AFF2: variants seen among roughly 807,000 people sequenced by gnomAD.
The protein encoded by AFF2 is ALF transcription elongation factor 2, also known as AF4/FMR2 family member 2.
A neutral mutation model predicts 76.9 loss-of-function variants in AFF2; 14 were observed. That is an observed-to-expected ratio of 0.18 (90% CI 0.12 to 0.28). The LOEUF is 0.28. Among genes scored for constraint, AFF2 ranks in the 10% least tolerant of loss-of-function variants. The probability of loss-of-function intolerance (pLI) is 1.00; values close to 1 mark genes in which losing one functional copy is unlikely to be tolerated. For synonymous variants in AFF2, 398 were observed against 366.7 expected (o/e 1.09, Z -0.98); for missense variants, 868 against 1,001.1 (o/e 0.87, Z 1.79).
chrX:148,796,215 T>G (rs1039755743), intron 3 of AFF2, among the ~76,000 whole-genome samples: 10 of 109,595 alleles, frequency 9.1e-5, no homozygotes, highest in African/African-American at 1.3e-4. Context: ...TGTTGTTGTT[T>G]TTGTGCTGAT....
chrX:148,600,025 T>C (rs978241448), intron 1 of AFF2, among the ~76,000 whole-genome samples: 5 of 112,103 alleles, frequency 4.5e-5, no homozygotes, highest in African/African-American at 1.6e-4. Flanking sequence ...TGATGACAGG[T>C]GAAAAAATTG....
At chrX:148,973,727 T>G (rs890973837) in intron 16 of AFF2, 120 bp downstream of exon 16, 46 of 738,548 alleles carry the variant, frequency 6.2e-5, no homozygotes, top group Non-Finnish European at 7.8e-5. Flanking sequence ...CTCTTAGAAG[T>G]CATCATAATT....
Position 148,956,058 on chromosome X carries a change from C to T in AFF2, c.2013C>T (p.Asn671=). The part of the protein sequence containing the change: ...VELHDPPRGR[N]KATAHKPAPR... ...TTCATGACCCACCAAGAGGCCGCAA[C>T]AAAGCCACTGCCCACAAACCAGCCC... The change falls in exon 11 of 21, where the codon AAC becomes AAT. Residue 671 remains asparagine, a synonymous_variant. Transcript: ENST00000370460. 8.3e-7 allele frequency: 1 copy of T among 1,211,240 alleles called. No individual in the cohort carries two copies. The highest frequency in any genetic ancestry group is 1.1e-6 in the Non-Finnish European group (1 of 895,384).
At chrX:148,532,856 A>ATGTG (rs782177489) in intron 1 of AFF2, among the ~76,000 whole-genome samples, 4 of 110,240 alleles carry the variant, frequency 3.6e-5, no homozygotes, top group African/African-American at 9.9e-5. Context: ...ATGTGTGTGT[A>ATGTG]TGTGTGTGTG....
intron 3 of AFF2, among the ~76,000 whole-genome samples, chrX:148,687,802 C>T (rs376787634): frequency 9.0e-5 from 10 of 110,679 alleles, no homozygotes; most frequent in African/African-American, 1.6e-4. Flanking sequence ...ATAATTTAGA[C>T]GTATGTATGG....
chrX:148,748,830 G>C (rs2055459198), intron 3 of AFF2, among the ~76,000 whole-genome samples: 1 of 112,177 alleles, frequency 8.9e-6, no homozygotes, highest in African/African-American at 3.2e-5. Flanking sequence ...AGCTGACTGA[G>C]ATGAGGTTGG....
chrX:148,732,590 A>G (rs1460108017), intron 3 of AFF2, among the ~76,000 whole-genome samples: 2 of 100,978 alleles, frequency 2.0e-5, no homozygotes, highest in East Asian at 6.2e-4. Context: ...AAAAAAAAAA[A>G]AGAAAGAAAT....
chrX:148,573,940 T>C (rs2053258129), intron 1 of AFF2, among the ~76,000 whole-genome samples: 1 of 111,115 alleles, frequency 9.0e-6, no homozygotes. Context: ...ATTAAAAATC[T>C]TGGAGCTGGA....
At chrX:148,586,765 A>C (rs6641438) in intron 1 of AFF2, among the ~76,000 whole-genome samples, 2,112 of 110,228 alleles carry the variant, frequency 0.019, 57 homozygotes, top group African/African-American at 0.064. Flanking sequence ...ATAGGATCAC[A>C]GACTGATAGA....
intron 1 of AFF2, among the ~76,000 whole-genome samples, chrX:148,621,801 A>G (rs1321793455): frequency 9.0e-6 from 1 of 111,621 alleles, no homozygotes; most frequent in African/African-American, 3.3e-5. Flanking sequence ...CTGGGAACAT[A>G]TTGGTGATGC....
At chrX:148,714,443 T>C (rs1298192064) in intron 3 of AFF2, among the ~76,000 whole-genome samples, 1 of 111,637 alleles carries the variant, frequency 9.0e-6, no homozygotes. Context: ...TTTTTTAAGA[T>C]AGAAAACTCT....
chrX:148,746,324 C>CT (rs60171806), intron 3 of AFF2, among the ~76,000 whole-genome samples: 6,031 of 111,731 alleles, frequency 0.054, 405 homozygotes, highest in African/African-American at 0.19. Flanking sequence ...TTTCTCCTAG[C>CT]TACAGCCTAA....
chrX:148,696,736 G>A (rs918740012), intron 3 of AFF2, among the ~76,000 whole-genome samples: 35 of 112,344 alleles, frequency 3.1e-4, no homozygotes, highest in African/African-American at 1.1e-3. Context: ...TATGGAGAGA[G>A]TCTGTGCTCT....
At chrX:148,526,846 G>A (rs782402182) in intron 1 of AFF2, among the ~76,000 whole-genome samples, 32 of 110,383 alleles carry the variant, frequency 2.9e-4, no homozygotes, top group African/African-American at 9.9e-4. Context: ...TTTTCTTACC[G>A]GTAACTCCCT....
At chrX:148,943,616 A>G (rs2071866403) in intron 9 of AFF2, among the ~76,000 whole-genome samples, 1 of 111,995 alleles carries the variant, frequency 8.9e-6, no homozygotes, top group South Asian at 3.8e-4. Flanking sequence ...CTTGAAAACT[A>G]TCAAGTGCTC....
At chrX:148,646,699 T>C (rs1211720527) in intron 1 of AFF2, among the ~76,000 whole-genome samples, 1 of 112,035 alleles carries the variant, frequency 8.9e-6, no homozygotes, top group East Asian at 2.8e-4. Context: ...AGAGACAGTG[T>C]TTGCAGGGAG....
chrX:148,606,705 T>C (rs2053675887), intron 1 of AFF2, among the ~76,000 whole-genome samples: 1 of 111,609 alleles, frequency 9.0e-6, no homozygotes, highest in South Asian at 3.7e-4. Context: ...TAAAACTAGA[T>C]TGTATGTAAT....
intron 1 of AFF2, among the ~76,000 whole-genome samples, chrX:148,637,366 A>G (rs1337389123): frequency 8.9e-6 from 1 of 112,402 alleles, no homozygotes; most frequent in Non-Finnish European, 1.9e-5. Flanking sequence ...AGGGGAGATA[A>G]TTAAACAGGA....
At chrX:148,543,409 G>A (rs1214672559) in intron 1 of AFF2, among the ~76,000 whole-genome samples, 1 of 111,274 alleles carries the variant, frequency 9.0e-6, no homozygotes, top group Non-Finnish European at 1.9e-5. Context: ...AATGTGCCTG[G>A]CATCCTATAT....
Sources: allele counts gnomAD v4.1 joint callset (sites outside exome capture counted in the v4.1 genomes callset), GRCh38; gene constraint gnomAD v4.1.1; transcripts MANE v1.5; gene names NCBI Gene and HGNC (gene_info 2026-07-23, HGNC 2026-07-21).